The following PAGE1 variants were observed in gnomAD, a reference collection of about 807,000 sequenced individuals.
PAGE1 encodes the protein PAGE family member 1, also known as P antigen family member 1.
PAGE1 carries 6 observed loss-of-function variants against 11.5 expected under a neutral mutation model. The ratio of observed to expected loss-of-function variants is 0.52; its 90% confidence interval spans 0.29 to 1.03. The LOEUF (loss-of-function observed/expected upper bound fraction) is 1.03, where lower values mean the gene tolerates loss of function less well. Among genes scored for constraint, PAGE1 ranks in the 50% least tolerant of loss-of-function variants. The pLI is 0.09. For synonymous variants in PAGE1, 42 were observed against 40.2 expected, an observed-to-expected ratio of 1.05 and a Z score of -0.17; for missense variants, 120 against 110.2, an observed-to-expected ratio of 1.09 and a Z score of -0.40.
chrX:49,695,437 C>T (rs1449334401), intron 1 of PAGE1, among the ~76,000 whole-genome samples: 1 of 111,434 alleles, frequency 9.0e-6, no homozygotes, highest in African/African-American at 3.3e-5. Flanking sequence ...CGCTGGGGGG[C>T]GCTCACCAGC....
intron 4 of PAGE1, among the ~76,000 whole-genome samples, chrX:49,690,834 G>A (rs2066917357): frequency 9.2e-6 from 1 of 108,115 alleles, no homozygotes; most frequent in African/African-American, 3.4e-5. Flanking sequence ...AGACCAGCCT[G>A]GCTAATGTGG....
At chrX:49,690,123 GTATATATACACA>G (rs782152045) in intron 4 of PAGE1, among the ~76,000 whole-genome samples, 8 of 81,394 alleles carry the variant, frequency 9.8e-5, no homozygotes, top group Admixed American at 2.7e-4. Context: ...ATATATATGT[GTATATATACACA>G]TATATATGTG....
Position 49,691,389 on chromosome X carries a change from A to T in PAGE1, c.167-15T>A, listed in dbSNP as rs1557142213. The T allele has an allele frequency of 8.5e-6, 10 of 1,176,672 alleles. No homozygotes were observed. Among genetic ancestry groups the T allele is most frequent in the Non-Finnish European group, 1.0e-5 (9 of 874,435 alleles). ...AGGCTCCTGCCCTTAAAGATAAAAC[A>T]AAATTATCATTTTAAGCAGCAACAC... On this transcript the variant is annotated splice_polypyrimidine_tract_variant and intron_variant, in intron 3 of 5. Coordinates refer to ENST00000376150, the MANE Select transcript of PAGE1 (RefSeq NM_003785.4).
At chrX:49,690,066 C>T (rs55865305) in intron 4 of PAGE1, among the ~76,000 whole-genome samples, 682 of 42,768 alleles carry the variant, frequency 0.016, 11 homozygotes, top group East Asian at 0.064. Context: ...TGTGTATATA[C>T]ACACATATAT....
intron 3 of PAGE1, among the ~76,000 whole-genome samples, chrX:49,692,694 T>C (rs1260965076): frequency 9.0e-6 from 1 of 111,284 alleles, no homozygotes; most frequent in East Asian, 2.8e-4. Flanking sequence ...ATTTTAAGTG[T>C]TATAGTTCAG....
chrX:49,689,214 G>A (rs957156865), intron 5 of PAGE1, among the ~76,000 whole-genome samples: 5 of 108,748 alleles, frequency 4.6e-5, no homozygotes, highest in East Asian at 2.9e-4. Context: ...GGTGGAGCAC[G>A]CCTGTAATCC....
At chrX:49,687,588 G>A (rs1557141155) in intron 5 of PAGE1, 25 bp from the exon 6 acceptor site, 8 of 1,183,665 alleles carry the variant, frequency 6.8e-6, no homozygotes, top group Non-Finnish European at 6.9e-6. Context: ...TAACTGTTAG[G>A]AAGATGATTT....
intron 3 of PAGE1, among the ~76,000 whole-genome samples, chrX:49,693,175 C>A (rs782380852): frequency 9.0e-6 from 1 of 111,640 alleles, no homozygotes; most frequent in South Asian, 3.8e-4. Flanking sequence ...TAACTTTGTT[C>A]AAATAAAGTT....
In PAGE1 at chrX:49,691,255, C is replaced by A; in HGVS notation, c.286G>T (p.Ala96Ser). 4.1e-6 allele frequency: 5 copies of A among 1,209,285 alleles called. No individual in the cohort carries two copies. The South Asian group carries it at 7.1e-5, about 17-fold the overall frequency. Residue 96 changes from alanine to serine, a missense_variant, in exon 4 of 6, where the codon GCA becomes TCA. Transcript: ENST00000376150. The part of the protein sequence containing the change: ...LRNEEQMKLP[A>S]EGPEPEADSQ... ...TGCTTAATGGACTACCTACCTTCTG[C>A]GGGCAGTTTCATCTGCTCTTCATTT...
chrX:49,690,113 A>G (rs782132923), intron 4 of PAGE1, among the ~76,000 whole-genome samples: 5 of 71,103 alleles, frequency 7.0e-5, no homozygotes, highest in African/African-American at 2.0e-4. Flanking sequence ...ATATATACAC[A>G]TATATATGTG....
chrX:49,691,730 C>T (rs1347816125), intron 3 of PAGE1, among the ~76,000 whole-genome samples: 1 of 111,782 alleles, frequency 8.9e-6, no homozygotes, highest in Non-Finnish European at 1.9e-5. Flanking sequence ...AGTTATATGG[C>T]ATGAGTAGGC....
intron 4 of PAGE1, among the ~76,000 whole-genome samples, chrX:49,690,190 A>G (rs2066915247): frequency 9.9e-6 from 1 of 101,227 alleles, no homozygotes; most frequent in African/African-American, 3.6e-5. Context: ...AATATGAACA[A>G]GAAAATAATA....
intron 2 of PAGE1, 71 bp downstream of exon 2, chrX:49,694,637 C>T: frequency 1.4e-6 from 1 of 719,145 alleles, no homozygotes; most frequent in Non-Finnish European, 2.1e-6. Flanking sequence ...AACACTATCA[C>T]AAAAATTAAT....
intron 4 of PAGE1, among the ~76,000 whole-genome samples, chrX:49,690,091 GTATATATGTGTATATATACACA>G (rs1383634425): frequency 0.068 from 3,489 of 51,631 alleles, 252 homozygotes; most frequent in African/African-American, 0.15. Context: ...GTATATATGT[GTATATATGTGTATATATACACA>G]TATATATGTG....
chrX:49,690,955 A>G (rs2066918032), intron 4 of PAGE1, among the ~76,000 whole-genome samples: 1 of 111,360 alleles, frequency 9.0e-6, no homozygotes, highest in Non-Finnish European at 1.9e-5. Flanking sequence ...AGCTGGGTGG[A>G]TCATCTGAGG....
chrX:49,691,325 C>G lies in PAGE1; in HGVS notation c.216G>C (p.Gly72=), dbSNP rs782553322. The change falls in exon 4 of 6, where the codon GGG becomes GGC. Residue 72 remains glycine, a synonymous_variant. Coordinates refer to ENST00000376150, the MANE Select transcript of PAGE1 (RefSeq NM_003785.4). ...DSQELVQPKT[G]CELGDGPDTK... ...TATCAGGACCATCTCCAAGCTCACA[C>G]CCAGTCTTTGGCTGAACCAGTTCCT... The G allele has an allele frequency of 3.3e-6, 4 of 1,209,476 alleles. No homozygotes were observed. Among genetic ancestry groups the G allele is most frequent in the Non-Finnish European group, 2.2e-6 (2 of 893,525 alleles).
chrX:49,689,781 T>C (rs1471705916), intron 4 of PAGE1, among the ~76,000 whole-genome samples: 8 of 63,853 alleles, frequency 1.3e-4, no homozygotes, highest in Admixed American at 2.0e-4. Context: ...TGTGTATATA[T>C]ACACACATAT....
intron 4 of PAGE1, among the ~76,000 whole-genome samples, chrX:49,690,113 A>ATATATATGTGTATATATGTG (rs1491090297): frequency 4.2e-5 from 3 of 71,102 alleles, no homozygotes; most frequent in African/African-American, 6.7e-5. Context: ...ATATATACAC[A>ATATATATGTGTATATATGTG]TATATATGTG....
At chrX:49,691,633 T>C (rs1424493553) in intron 3 of PAGE1, among the ~76,000 whole-genome samples, 3 of 111,609 alleles carry the variant, frequency 2.7e-5, no homozygotes, top group East Asian at 2.8e-4. Context: ...TTATCTGTTA[T>C]TGTATTTCTG....
Sources: gnomAD v4.1 joint callset for allele counts (sites outside exome capture counted in the v4.1 genomes callset) on GRCh38, gnomAD v4.1.1 for gene constraint, MANE v1.5 for transcripts, NCBI Gene and HGNC (gene_info 2026-07-23, HGNC 2026-07-21) for gene names.